Variants in ITPK1 observed in about 807,000 individuals in gnomAD.
ITPK1 encodes inositol 1,3,4-trisphosphate 5/6-kinase.
Under a neutral mutation model 45.3 loss-of-function variants are expected in ITPK1, and 21 were observed. That is an observed-to-expected ratio of 0.46 (90% CI 0.33 to 0.67). The LOEUF (loss-of-function observed/expected upper bound fraction) is 0.67, where lower values mean the gene tolerates loss of function less well. ITPK1 is among the 30% of genes least tolerant of loss of function. The pLI is 0.02. For missense variants in ITPK1, 474 were observed against 573.5 expected, an observed-to-expected ratio of 0.83 and a Z score of 1.77; for synonymous variants, 258 against 253.6, an observed-to-expected ratio of 1.02 and a Z score of -0.16.
At chr14:93,101,844 G>A (rs916049028) in intron 2 of ITPK1, among the ~76,000 whole-genome samples, 1 of 152,138 alleles carries the variant, frequency 6.6e-6, no homozygotes, top group African/African-American at 2.4e-5. Context: ...CCACCCCCAG[G>A]GTGATCGGCT....
At position 92,940,495 on chromosome 14, in the gene ITPK1, G is replaced by A; in HGVS notation, c.*1066C>T. 8.7e-7 allele frequency: 1 copy of A among 1,149,422 alleles called. No individual in the cohort carries two copies. Among genetic ancestry groups the A allele is most frequent in the Non-Finnish European group, 1.1e-6 (1 of 922,194 alleles). 71.2% of individuals were successfully genotyped at this position (1,149,422 alleles called of 1,614,324 possible). A position where few individuals can be genotyped will look rare whatever the true frequency, so the allele number is the denominator to read the frequency against. The stretch of plus-strand genomic sequence containing the variant: ...CCTGCTGGCTCAGTGCTTGGGGCTT[G>A]CAATGAGAGGTGGACCAGGCCTGCT... On this transcript the variant is annotated 3_prime_UTR_variant, in exon 11 of 11. Coordinates refer to ENST00000267615, the MANE Select transcript of ITPK1 (RefSeq NM_014216.6).
chr14:92,994,359 G>A (rs1886944847), intron 4 of ITPK1, among the ~76,000 whole-genome samples: 1 of 152,236 alleles, frequency 6.6e-6, no homozygotes, highest in Non-Finnish European at 1.5e-5. Flanking sequence ...CTCTGAGGCA[G>A]GGGCGGGAGA....
chr14:93,013,018 C>G (rs968375287), intron 4 of ITPK1, among the ~76,000 whole-genome samples: 1 of 152,182 alleles, frequency 6.6e-6, no homozygotes, highest in African/African-American at 2.4e-5. Context: ...CGTGTTGCCC[C>G]CCTGGGAAAG....
At chr14:93,056,678 A>T (rs1294897283) in intron 3 of ITPK1, among the ~76,000 whole-genome samples, 3 of 152,136 alleles carry the variant, frequency 2.0e-5, no homozygotes, top group Non-Finnish European at 4.4e-5. Context: ...AACCTTCTAT[A>T]CCACCTCAGA....
At chr14:93,037,382 TG>T (rs1018937072) in intron 3 of ITPK1, among the ~76,000 whole-genome samples, 1 of 152,218 alleles carries the variant, frequency 6.6e-6, no homozygotes, top group Non-Finnish European at 1.5e-5. Context: ...ATTCAAAATT[TG>T]GTAAGAGTTA....
chr14:93,086,062 C>A (rs1291556507), intron 2 of ITPK1, among the ~76,000 whole-genome samples: 1 of 152,136 alleles, frequency 6.6e-6, no homozygotes, highest in Non-Finnish European at 1.5e-5. Flanking sequence ...CTTCTTAATC[C>A]CAAGAATGCA....
At chr14:93,027,697 C>A (rs990753692) in intron 3 of ITPK1, among the ~76,000 whole-genome samples, 5 of 152,190 alleles carry the variant, frequency 3.3e-5, no homozygotes, top group Non-Finnish European at 1.5e-5. Context: ...GCACTAGTCA[C>A]TGAGTAAGCA....
chr14:93,004,146 C>T lies in ITPK1; in HGVS notation c.247-10149G>A, dbSNP rs560617251. Among the ~76,000 whole-genome samples the T allele has an allele frequency of 3.7e-4, 56 of 152,326 alleles. 1 individual carries two copies. The highest frequency in any genetic ancestry group is 1.3e-3 in the African/African-American group (53 of 41,574). Reference sequence around the variant, plus strand: ...TCACTGCACGCATCCCAGTCGCCTGCAAGCCAGCGAGATCCATGCCCACCA... The same window carrying T: ...TCACTGCACGCATCCCAGTCGCCTGTAAGCCAGCGAGATCCATGCCCACCA... On this transcript the variant is annotated intron_variant, in intron 4 of 10. Coordinates refer to ENST00000267615, the MANE Select transcript of ITPK1 (RefSeq NM_014216.6).
At chr14:93,080,236 C>T (rs1432329806) in intron 2 of ITPK1, among the ~76,000 whole-genome samples, 3 of 152,234 alleles carry the variant, frequency 2.0e-5, no homozygotes, top group Non-Finnish European at 2.9e-5. Context: ...AACCTGAGGG[C>T]GCTACAGGAA....
chr14:93,060,711 T>C (rs1566762920), intron 3 of ITPK1, among the ~76,000 whole-genome samples: 1 of 151,298 alleles, frequency 6.6e-6, no homozygotes, highest in Non-Finnish European at 1.5e-5. Context: ...GATGGAAGAG[T>C]CAGAGTAGAA....
At chr14:93,038,100 T>C (rs1889395737) in intron 3 of ITPK1, among the ~76,000 whole-genome samples, 1 of 152,106 alleles carries the variant, frequency 6.6e-6, no homozygotes, top group African/African-American at 2.4e-5. Context: ...TTGCCCAGGC[T>C]AGAGTGCAAT....
At chr14:92,996,112 TG>T (rs541334003) in intron 4 of ITPK1, among the ~76,000 whole-genome samples, 272 of 152,206 alleles carry the variant, frequency 1.8e-3, no homozygotes, top group Middle Eastern at 6.8e-3. Flanking sequence ...CTGGGTGCAG[TG>T]GCACAAGCCC....
At chr14:92,962,673 C>A in intron 6 of ITPK1, 78 bp downstream of exon 6, 1 of 1,132,982 alleles carries the variant, frequency 8.8e-7, no homozygotes, top group South Asian at 1.2e-5. Context: ...CCAGAGGGCA[C>A]TATAAACCCA....
rs2140025051 is a variant in ITPK1, at chr14:93,102,378, A to G, written c.95+12691T>C. 2.0e-5 allele frequency among the ~76,000 whole-genome samples: 3 copies of G among 152,356 alleles called. No individual in the cohort carries two copies. In the South Asian group the frequency reaches 6.2e-4, roughly 32 times the overall value. On this transcript the variant is annotated intron_variant, in intron 2 of 10. Coordinates refer to ENST00000267615, the MANE Select transcript of ITPK1 (RefSeq NM_014216.6). ...ACACGATCCCAATGCCGCGGGACACACCTTCCTGCAGGGAGGCGGCAAAGG... is the reference window on the plus strand; with the variant it reads ...ACACGATCCCAATGCCGCGGGACACGCCTTCCTGCAGGGAGGCGGCAAAGG...
intron 5 of ITPK1, among the ~76,000 whole-genome samples, chr14:92,963,715 G>A (rs543697182): frequency 1.3e-5 from 2 of 152,344 alleles, no homozygotes; most frequent in African/African-American, 4.8e-5. Context: ...ATCCTGACTC[G>A]TGCCTGGCAC....
intron 3 of ITPK1, among the ~76,000 whole-genome samples, chr14:93,018,825 G>A (rs1245144287): frequency 6.6e-6 from 1 of 152,170 alleles, no homozygotes; most frequent in Non-Finnish European, 1.5e-5. Flanking sequence ...AAATGACCAA[G>A]CAAGGCCATG....
At chr14:93,085,378 C>T (rs1349628610) in intron 2 of ITPK1, among the ~76,000 whole-genome samples, 1 of 152,166 alleles carries the variant, frequency 6.6e-6, no homozygotes, top group Non-Finnish European at 1.5e-5. Flanking sequence ...GTGCCCCACC[C>T]AGGGGAGGCA....
intron 10 of ITPK1, 112 bp downstream of exon 10, chr14:92,946,219 T>C (rs1887679072): frequency 8.7e-6 from 11 of 1,267,044 alleles, no homozygotes; most frequent in Non-Finnish European, 1.2e-5. Context: ...CCGGACCTCG[T>C]GGTGAGGGAG....
At chr14:93,027,834 G>A (rs1405824524) in intron 3 of ITPK1, among the ~76,000 whole-genome samples, 1 of 152,238 alleles carries the variant, frequency 6.6e-6, no homozygotes, top group African/African-American at 2.4e-5. Flanking sequence ...TGCTTTGGCT[G>A]AGCACAAGGG....
Sources: allele counts gnomAD v4.1 joint callset (sites outside exome capture counted in the v4.1 genomes callset), GRCh38; gene constraint gnomAD v4.1.1; transcripts MANE v1.5; gene names NCBI Gene and HGNC (gene_info 2026-07-23, HGNC 2026-07-21).